Variants in RSAD2 observed in about 807,000 individuals in gnomAD.
RSAD2 encodes radical S-adenosyl methionine domain containing 2.
In RSAD2, 38 loss-of-function variants were observed where a neutral mutation model predicts 37.7. The ratio of observed to expected loss-of-function variants is 1.01; its 90% CI spans 0.78 to 1.32. RSAD2 has a LOEUF of 1.32. Among genes scored for constraint, RSAD2 ranks in the 40% most tolerant of loss-of-function variants. The pLI is 0.00. For synonymous variants in RSAD2, 163 were observed against 157.4 expected, an observed-to-expected ratio of 1.04 and a Z score of -0.27; for missense variants, 428 against 437.5, an observed-to-expected ratio of 0.98 and a Z score of 0.19.
chr2:6,872,513 T>A (rs1372906690), intron 1 of RSAD2, among the ~76,000 whole-genome samples: 1 of 152,048 alleles, frequency 6.6e-6, no homozygotes, highest in Non-Finnish European at 1.5e-5. Flanking sequence ...TGTTTGCAAG[T>A]GTATGAGGAG....
At position 6,883,392 on chromosome 2, in the gene RSAD2, C is replaced by T; in HGVS notation, c.368C>T (p.Ser123Leu). ...KEAGMEKINFSGGEPFLQDRG... is the reference protein window; with the variant it reads ...KEAGMEKINFLGGEPFLQDRG... ...ACAGGTATGGAGAAGATCAACTTTTCAGGTGGAGAGCCATTTCTTCAAGAC... is the reference window on the plus strand; with the variant it reads ...ACAGGTATGGAGAAGATCAACTTTTTAGGTGGAGAGCCATTTCTTCAAGAC... Residue 123 changes from serine to leucine, a missense_variant, in exon 2 of 6, where the codon TCA becomes TTA. Ser to Leu is a moderately radical substitution (Grantham distance 145). Transcript: ENST00000382040. 6.2e-7 allele frequency: 1 copy of T among 1,614,158 alleles called. No individual in the cohort carries two copies. Among genetic ancestry groups the T allele is most frequent in the Middle Eastern group, 1.6e-4 (1 of 6,062 alleles).
chr2:6,879,674 G>GT (rs202112317), intron 1 of RSAD2, among the ~76,000 whole-genome samples: 1,636 of 145,236 alleles, frequency 0.011, 9 homozygotes, highest in African/African-American at 0.033. Flanking sequence ...ATTTTGTTCA[G>GT]TTTTTTTTTT....
At chr2:6,883,606 C>G in intron 2 of RSAD2, 74 bp downstream of exon 2, 1 of 1,550,272 alleles carries the variant, frequency 6.5e-7, no homozygotes, top group African/African-American at 1.4e-5. Flanking sequence ...TTCCTTCCCT[C>G]CTGGGCCTTC....
At chr2:6,893,796 C>G (rs1014976160) in intron 5 of RSAD2, 93 bp downstream of exon 5, 2 of 833,478 alleles carry the variant, frequency 2.4e-6, no homozygotes, top group Non-Finnish European at 2.0e-6. Context: ...CTATCTAGTA[C>G]CTATTTGTCC....
intron 1 of RSAD2, among the ~76,000 whole-genome samples, chr2:6,883,010 G>T (rs899117249): frequency 6.6e-6 from 1 of 152,204 alleles, no homozygotes; most frequent in African/African-American, 2.4e-5. Context: ...GTGGGGATGG[G>T]AAACGCAGAG....
intron 1 of RSAD2, among the ~76,000 whole-genome samples, chr2:6,879,924 T>C (rs113280714): frequency 0.013 from 1,951 of 152,290 alleles, 44 homozygotes; most frequent in African/African-American, 0.044. Context: ...ACATTTAGCT[T>C]TTCTGAGTAT....
intron 5 of RSAD2, 94 bp downstream of exon 5, chr2:6,893,797 C>G (rs1238404950): frequency 1.2e-6 from 1 of 834,054 alleles, no homozygotes; most frequent in East Asian, 2.6e-5. Flanking sequence ...TATCTAGTAC[C>G]TATTTGTCCT....
intron 1 of RSAD2, chr2:6,878,695 C>T (rs968923096): frequency 1.2e-5 from 4 of 326,966 alleles, no homozygotes; most frequent in African/African-American, 8.7e-5. Flanking sequence ...AGAATGCTTA[C>T]TGAGCATCAC....
In RSAD2 at chr2:6,891,948, T is replaced by C. The variant is rs139939644; in HGVS notation, c.888+1623T>C. Among the ~76,000 whole-genome samples the C allele has an allele frequency of 6.3e-4, 96 of 152,274 alleles. 1 individual carries two copies. The East Asian group carries it at 0.016, about 25-fold the overall frequency. On this transcript the variant is annotated intron_variant, in intron 4 of 5. Coordinates refer to ENST00000382040, the MANE Select transcript of RSAD2 (RefSeq NM_080657.5). ...CTGATAATATAATAGTAGGTACAGATAAAAAACAGTATGCAAAATTAATTT... is the reference window on the plus strand; with the variant it reads ...CTGATAATATAATAGTAGGTACAGACAAAAAACAGTATGCAAAATTAATTT...
At chr2:6,865,962 G>T in exon 1 of RSAD2, 1 of 1,120,522 alleles carries the variant, frequency 8.9e-7, no homozygotes, top group Non-Finnish European at 1.2e-6. Flanking sequence ...GGCCCCAGGT[G>T]CGCGGCTCCG....
intron 1 of RSAD2, among the ~76,000 whole-genome samples, chr2:6,869,077 A>G (rs1363629590): frequency 6.6e-6 from 1 of 152,176 alleles, no homozygotes; most frequent in Non-Finnish European, 1.5e-5. Context: ...ATAATGGCAG[A>G]CCCTGAGACT....
chr2:6,896,019 C>T lies in RSAD2; in HGVS notation c.*77C>T. 3 of 1,413,678 alleles carry T rather than the reference C, an allele frequency of 2.1e-6. No homozygotes were observed. Among genetic ancestry groups the T allele is most frequent in the Non-Finnish European group, 2.9e-6 (3 of 1,034,630 alleles). 87.6% of individuals were successfully genotyped at this position (1,413,678 alleles called of 1,614,324 possible). A position where few individuals can be genotyped will look rare whatever the true frequency, so the allele number is the denominator to read the frequency against. ...AACTGCCATTGTCTGCAATACTATCCCGTTGGTATTTCCCAGTGGCTGAAA... is the reference window on the plus strand; with the variant it reads ...AACTGCCATTGTCTGCAATACTATCTCGTTGGTATTTCCCAGTGGCTGAAA... On this transcript the variant is annotated 3_prime_UTR_variant, in exon 6 of 6. Coordinates refer to ENST00000382040, the MANE Select transcript of RSAD2 (RefSeq NM_080657.5).
intron 1 of RSAD2, chr2:6,878,720 G>T: frequency 3.8e-6 from 2 of 527,422 alleles, no homozygotes; most frequent in Non-Finnish European, 5.5e-6. Context: ...TTAGTAACTG[G>T]CAGCGTCTTG....
chr2:6,876,512 G>A (rs1423257207), upstream of RSAD2, among the ~76,000 whole-genome samples: 5 of 152,200 alleles, frequency 3.3e-5, no homozygotes, highest in African/African-American at 1.2e-4. Flanking sequence ...GAAGAAGTGA[G>A]ATCTATCCAA....
rs148712632 is a variant in RSAD2, at chr2:6,892,618, C to T, written c.889-1053C>T. On this transcript the variant is annotated intron_variant, in intron 4 of 5. Coordinates refer to ENST00000382040, the MANE Select transcript of RSAD2 (RefSeq NM_080657.5). Reference sequence around the variant, plus strand: ...TTTTGATGACCCCAAAGCCCACAAACCTTTTAGCCAGTTTGTTTCAAACTT... The same window carrying T: ...TTTTGATGACCCCAAAGCCCACAAATCTTTTAGCCAGTTTGTTTCAAACTT... Among the ~76,000 whole-genome samples the T allele has an allele frequency of 4.2e-4, 64 of 152,310 alleles. 2 individuals carry two copies. In the East Asian group the frequency reaches 0.012, roughly 28 times the overall value.
chr2:6,870,393 G>T (rs927761059), intron 1 of RSAD2, among the ~76,000 whole-genome samples: 5 of 152,158 alleles, frequency 3.3e-5, no homozygotes, highest in African/African-American at 1.2e-4. Flanking sequence ...TTCATTTCAT[G>T]CATGTAAATA....
chr2:6,886,875 A>G, intron 2 of RSAD2, 60 bp from the exon 3 acceptor site: 1 of 1,271,322 alleles, frequency 7.9e-7, no homozygotes. Flanking sequence ...AAGAGATCTA[A>G]ATAGCCCAAG....
At chr2:6,895,317 T>TATGC (rs1663750933) in intron 5 of RSAD2, among the ~76,000 whole-genome samples, 1 of 152,238 alleles carries the variant, frequency 6.6e-6, no homozygotes. Flanking sequence ...TATTTACATA[T>TATGC]ATGCATGCAT....
At chr2:6,895,662 A>G in intron 5 of RSAD2, 116 bp from the exon 6 acceptor site, 2 of 945,054 alleles carry the variant, frequency 2.1e-6, no homozygotes, top group Middle Eastern at 2.8e-4. Flanking sequence ...CAGATTTCAA[A>G]AGATACCTGT....
Sources: allele counts gnomAD v4.1 joint callset (sites outside exome capture counted in the v4.1 genomes callset), GRCh38; gene constraint gnomAD v4.1.1; transcripts MANE v1.5; gene names NCBI Gene and HGNC (gene_info 2026-07-23, HGNC 2026-07-21).